Variants in PPIL4 observed in about 807,000 individuals in gnomAD.
PPIL4 encodes the protein peptidyl-prolyl cis-trans isomerase-like 4.
Under a neutral mutation model 69.1 loss-of-function variants are expected in PPIL4, and 50 were observed. The ratio of observed to expected loss-of-function variants is 0.72; its 90% CI spans 0.58 to 0.92. PPIL4 has a LOEUF of 0.92. Among genes scored for constraint, PPIL4 ranks in the 40% least tolerant of loss-of-function variants. PPIL4 has a pLI of 0.00. For missense variants in PPIL4, 480 were observed against 587.9 expected (o/e 0.82, Z 1.90); for synonymous variants, 193 against 191.6 (o/e 1.01, Z -0.06).
chr6:149,518,390 C>G (rs753443667), intron 10 of PPIL4, among the ~76,000 whole-genome samples: 33 of 152,230 alleles, frequency 2.2e-4, no homozygotes, highest in Middle Eastern at 3.4e-3. Flanking sequence ...ATCCCTCAAC[C>G]ACACCACTAG....
intron 11 of PPIL4, among the ~76,000 whole-genome samples, chr6:149,516,076 G>T (rs1219246658): frequency 6.6e-6 from 1 of 152,154 alleles, no homozygotes; most frequent in African/African-American, 2.4e-5. Context: ...ATAAGTATAT[G>T]TGTGGTTGTT....
intron 11 of PPIL4, among the ~76,000 whole-genome samples, chr6:149,514,159 A>C (rs1776903159): frequency 6.6e-6 from 1 of 152,250 alleles, no homozygotes; most frequent in Non-Finnish European, 1.5e-5. Context: ...AGGGTTAGTC[A>C]GCTCGTACCA....
At position 149,505,372 on chromosome 6, in the gene PPIL4, A is replaced by T; in HGVS notation, c.*81T>A. 7.4e-7 allele frequency: 1 copy of T among 1,353,792 alleles called. No homozygotes were observed. The highest frequency in any genetic ancestry group is 1.0e-6 in the Non-Finnish European group (1 of 986,286). The allele number at this position is 1,353,792 out of a possible 1,614,324, so 83.9% of individuals were successfully genotyped here. A position where few individuals can be genotyped will look rare whatever the true frequency, so the allele number is the denominator to read the frequency against. ...AAAAAAATAACAAGCTTTGACACAA[A>T]ATCTAAGCATCTGCTTTCCTGGCAC... On this transcript the variant is annotated 3_prime_UTR_variant, in exon 13 of 13. Transcript: ENST00000253329.
At chr6:149,538,766 G>A in intron 4 of PPIL4, among the ~76,000 whole-genome samples, 1 of 152,096 alleles carries the variant, frequency 6.6e-6, no homozygotes, top group Admixed American at 6.5e-5. Context: ...CCTGAAGATG[G>A]GACTGAATGC....
intron 12 of PPIL4, among the ~76,000 whole-genome samples, chr6:149,511,405 G>A (rs1319656171): frequency 6.6e-6 from 1 of 151,646 alleles, no homozygotes; most frequent in East Asian, 1.9e-4. Flanking sequence ...AATTGTGTGT[G>A]TGTGTGTGTG....
chr6:149,514,145 A>G (rs555652860), intron 11 of PPIL4, among the ~76,000 whole-genome samples: 48 of 152,350 alleles, frequency 3.2e-4, no homozygotes, highest in Middle Eastern at 3.4e-3. Flanking sequence ...TGAGATGGCT[A>G]AAGAGGGTTA....
chr6:149,543,305 T>C lies in PPIL4; in HGVS notation c.71-1719A>G, dbSNP rs58222151. 6.3e-3 allele frequency among the ~76,000 whole-genome samples: 957 copies of C among 152,288 alleles called. 13 individuals carry two copies. The highest frequency in any genetic ancestry group is 0.022 in the African/African-American group (909 of 41,546). On this transcript the variant is annotated intron_variant, in intron 1 of 12. Transcript: ENST00000253329. The stretch of plus-strand genomic sequence containing the variant: ...ATAGGAAACAGGGGACACAAAAATA[T>C]GTTAACGCACCCAGTAAATAATCAG...
chr6:149,541,678 C>A, intron 1 of PPIL4, 92 bp from the exon 2 acceptor site: 2 of 723,808 alleles, frequency 2.8e-6, no homozygotes, highest in Non-Finnish European at 4.6e-6. Flanking sequence ...TTCTAAATTA[C>A]TATTAAAAGA....
intron 8 of PPIL4, 78 bp from the exon 9 acceptor site, chr6:149,525,287 G>A (rs1777090943): frequency 4.4e-6 from 3 of 684,188 alleles, no homozygotes; most frequent in African/African-American, 3.8e-5. Context: ...CAAAACTGAA[G>A]AAGAAATAAG....
chr6:149,505,929 C>T (rs1003873358), intron 12 of PPIL4, among the ~76,000 whole-genome samples: 20 of 152,138 alleles, frequency 1.3e-4, no homozygotes, highest in African/African-American at 4.3e-4. Context: ...TTGGCTGAAA[C>T]GAAGGATCAG....
At chr6:149,533,276 G>A (rs1404277611) in intron 7 of PPIL4, among the ~76,000 whole-genome samples, 182 bp downstream of exon 7, 1 of 152,144 alleles carries the variant, frequency 6.6e-6, no homozygotes, top group East Asian at 1.9e-4. Context: ...TATATTGACA[G>A]TAGAGTCAAA....
chr6:149,535,111 C>G (rs1026606002), intron 5 of PPIL4, among the ~76,000 whole-genome samples: 2 of 152,212 alleles, frequency 1.3e-5, no homozygotes, highest in African/African-American at 4.8e-5. Flanking sequence ...AATCCCAACA[C>G]TTCAGGAGGC....
chr6:149,535,490 T>C, intron 5 of PPIL4, 106 bp downstream of exon 5: 1 of 658,412 alleles, frequency 1.5e-6, no homozygotes, highest in Non-Finnish European at 2.4e-6. Context: ...ATTAGAATTA[T>C]CCAGAAACCA....
intron 7 of PPIL4, among the ~76,000 whole-genome samples, chr6:149,529,270 G>T (rs373237979): frequency 6.6e-6 from 1 of 150,448 alleles, no homozygotes; most frequent in African/African-American, 2.4e-5. Context: ...ATCCCAGGCC[G>T]GGCAACATAG....
intron 4 of PPIL4, among the ~76,000 whole-genome samples, 170 bp downstream of exon 4, chr6:149,540,772 A>C (rs73781223): frequency 0.02 from 3,102 of 152,310 alleles, 118 homozygotes; most frequent in African/African-American, 0.072. Flanking sequence ...CTTTACATTT[A>C]AAAGAAGAAA....
At chr6:149,526,443 T>C (rs936951453) in intron 8 of PPIL4, among the ~76,000 whole-genome samples, 4 of 152,072 alleles carry the variant, frequency 2.6e-5, no homozygotes, top group Non-Finnish European at 4.4e-5. Context: ...GAGATTCAAT[T>C]ATTTATCTGT....
chr6:149,505,966 T>A (rs1776764622), intron 12 of PPIL4, among the ~76,000 whole-genome samples: 1 of 152,164 alleles, frequency 6.6e-6, no homozygotes, highest in Non-Finnish European at 1.5e-5. Flanking sequence ...CTGAAATAGC[T>A]CAACTGAAAT....
rs146577244 is a variant in PPIL4, at chr6:149,541,317, GTAAATAAA to G, written c.203+42_203+49del. The G allele has an allele frequency of 6.4e-4, 485 of 757,104 alleles. 2 individuals are homozygous for G. The highest frequency in any genetic ancestry group is 2.0e-3 in the African/African-American group (99 of 49,522). The allele number at this position is 757,104 out of a possible 1,614,324, so 46.9% of individuals were successfully genotyped here. On this transcript the variant is annotated intron_variant, in intron 3 of 12. Transcript: ENST00000253329. ...TGTTCTGCCCTTCCAGAGGTTAAAAGTAAATAAATAAATAAATAAATAAATAAATAAAT... is the reference window on the plus strand; with the variant it reads ...TGTTCTGCCCTTCCAGAGGTTAAAAGTAAATAAATAAATAAATAAATAAAT...
chr6:149,545,866 C>A, intron 1 of PPIL4, 70 bp downstream of exon 1: 1 of 1,394,816 alleles, frequency 7.2e-7, no homozygotes, highest in Non-Finnish European at 1.0e-6. Context: ...CCCTGGACTG[C>A]GCAGAGAAGG....
Sources: allele counts gnomAD v4.1 joint callset (sites outside exome capture counted in the v4.1 genomes callset), GRCh38; gene constraint gnomAD v4.1.1; transcripts MANE v1.5; gene names NCBI Gene and HGNC (gene_info 2026-07-23, HGNC 2026-07-21).